The following NELL2 variants were observed in gnomAD, a reference collection of about 807,000 sequenced individuals.
NELL2 encodes protein kinase C-binding protein NELL2.
A neutral mutation model predicts 109.6 loss-of-function variants in NELL2; 41 were observed. The ratio of observed to expected loss-of-function variants is 0.37; its 90% CI spans 0.29 to 0.49. The LOEUF (loss-of-function observed/expected upper bound fraction) is 0.49. Among genes scored for constraint, NELL2 ranks in the 20% least tolerant of loss-of-function variants. NELL2 has a pLI of 0.98. For missense variants in NELL2, 900 were observed against 1,008.3 expected, an observed-to-expected ratio of 0.89 and a Z score of 1.45; for synonymous variants, 355 against 344.7, an observed-to-expected ratio of 1.03 and a Z score of -0.33.
intron 9 of NELL2, among the ~76,000 whole-genome samples, chr12:44,746,449 G>A (rs913739587): frequency 6.6e-6 from 1 of 152,212 alleles, no homozygotes; most frequent in East Asian, 1.9e-4. Context: ...TTGACAAATG[G>A]GATCTAATTC....
chr12:44,768,283 G>A (rs945525761), intron 9 of NELL2, among the ~76,000 whole-genome samples: 2 of 151,164 alleles, frequency 1.3e-5, no homozygotes, highest in Admixed American at 1.3e-4. Context: ...TGTTTAAAAG[G>A]TAGCAGCATG....
chr12:44,728,214 T>C (rs1939182139), intron 9 of NELL2, among the ~76,000 whole-genome samples: 1 of 152,194 alleles, frequency 6.6e-6, no homozygotes, highest in South Asian at 2.1e-4. Flanking sequence ...AACTGATACA[T>C]GAACAAAGTT....
chr12:44,743,096 A>T (rs189533354), intron 9 of NELL2, among the ~76,000 whole-genome samples: 11 of 152,320 alleles, frequency 7.2e-5, no homozygotes, highest in African/African-American at 2.2e-4. Context: ...GACTAACAGC[A>T]GATCTCTCGG....
chr12:44,867,461 T>C (rs1945033288), intron 2 of NELL2, among the ~76,000 whole-genome samples: 3 of 152,148 alleles, frequency 2.0e-5, no homozygotes, highest in South Asian at 2.1e-4. Flanking sequence ...AATAAATGTA[T>C]AGAAGAAATG....
chr12:44,522,703 A>G (rs1232608257), intron 17 of NELL2: 23 of 153,098 alleles, frequency 1.5e-4, no homozygotes, highest in Non-Finnish European at 1.6e-4. Flanking sequence ...AGCATTTATT[A>G]TAACTAGGTA....
chr12:44,651,570 T>C (rs544407457), intron 13 of NELL2, among the ~76,000 whole-genome samples: 1 of 152,300 alleles, frequency 6.6e-6, no homozygotes, highest in South Asian at 2.1e-4. Context: ...GATTCGACAT[T>C]TATTGAAGTG....
chr12:44,776,217 C>A, intron 7 of NELL2, 67 bp from the exon 8 acceptor site: 2 of 1,562,972 alleles, frequency 1.3e-6, no homozygotes, highest in Non-Finnish European at 8.7e-7. Flanking sequence ...TGAAACACTC[C>A]GCAGGTATCT....
intron 15 of NELL2, among the ~76,000 whole-genome samples, chr12:44,553,920 A>G (rs1470965622): frequency 6.6e-6 from 1 of 152,170 alleles, no homozygotes; most frequent in Admixed American, 6.6e-5. Flanking sequence ...AGCTACTTGC[A>G]CATGCTAGTT....
chr12:44,768,040 A>G (rs1941404030), intron 9 of NELL2, among the ~76,000 whole-genome samples: 1 of 152,192 alleles, frequency 6.6e-6, no homozygotes, highest in African/African-American at 2.4e-5. Context: ...CACAGCAGCT[A>G]AGTCACTGTG....
chr12:44,868,562 A>G (rs1045613255), intron 2 of NELL2, among the ~76,000 whole-genome samples: 2 of 152,220 alleles, frequency 1.3e-5, no homozygotes, highest in African/African-American at 4.8e-5. Flanking sequence ...TTCCACCTCA[A>G]AGAAGAAAAT....
At chr12:44,717,451 A>G (rs1023401631) in intron 9 of NELL2, among the ~76,000 whole-genome samples, 3 of 152,128 alleles carry the variant, frequency 2.0e-5, no homozygotes, top group Admixed American at 6.6e-5. Flanking sequence ...GGGCAGACAG[A>G]CTCATACACA....
chr12:44,862,165 C>T (rs1944861606), intron 2 of NELL2, among the ~76,000 whole-genome samples: 1 of 152,204 alleles, frequency 6.6e-6, no homozygotes, highest in African/African-American at 2.4e-5. Context: ...AAGTTTAACT[C>T]TTTTCCCATT....
intron 9 of NELL2, among the ~76,000 whole-genome samples, chr12:44,763,795 T>C (rs1941218798): frequency 6.6e-6 from 1 of 152,182 alleles, no homozygotes; most frequent in South Asian, 2.1e-4. Context: ...GTTAAGCTTA[T>C]GGAAAATGCA....
chr12:44,861,381 A>T (rs1944838859), intron 2 of NELL2, among the ~76,000 whole-genome samples: 2 of 152,158 alleles, frequency 1.3e-5, no homozygotes, highest in Non-Finnish European at 2.9e-5. Flanking sequence ...GCCAAACCGG[A>T]TCCCACAGCC....
chr12:44,520,761 A>C (rs150949610), intron 18 of NELL2, among the ~76,000 whole-genome samples: 1 of 152,188 alleles, frequency 6.6e-6, no homozygotes, highest in Non-Finnish European at 1.5e-5. Flanking sequence ...AATCCTAGGA[A>C]TTGATTTCAT....
chr12:44,653,005 A>G (rs538220765), intron 13 of NELL2, among the ~76,000 whole-genome samples: 12 of 152,316 alleles, frequency 7.9e-5, no homozygotes, highest in African/African-American at 2.9e-4. Context: ...GACCACCTGG[A>G]TAACCCAGGA....
At chr12:44,682,877 G>T (rs1050407663) in intron 12 of NELL2, among the ~76,000 whole-genome samples, 63 of 152,238 alleles carry the variant, frequency 4.1e-4, no homozygotes, top group African/African-American at 1.5e-3. Context: ...TGTTCTTTTG[G>T]CTTAGGATTG....
chr12:44,846,713 A>T (rs190109120), intron 2 of NELL2, among the ~76,000 whole-genome samples: 7 of 152,304 alleles, frequency 4.6e-5, no homozygotes, highest in Admixed American at 4.6e-4. Context: ...TATTTTTTCT[A>T]GTTTTTTCCC....
intron 12 of NELL2, among the ~76,000 whole-genome samples, chr12:44,697,298 A>G (rs1290223579): frequency 6.6e-6 from 1 of 152,208 alleles, no homozygotes; most frequent in East Asian, 1.9e-4. Context: ...CCCAGGGGAC[A>G]AGGCAGGAAC....
Sources: gnomAD v4.1 joint callset for allele counts (sites outside exome capture counted in the v4.1 genomes callset) on GRCh38, gnomAD v4.1.1 for gene constraint, MANE v1.5 for transcripts, NCBI Gene and HGNC (gene_info 2026-07-23, HGNC 2026-07-21) for gene names.